Variants in FAM120C observed in about 807,000 individuals in gnomAD.
FAM120C encodes the protein constitutive coactivator of PPAR-gamma-like protein 2.
Under a neutral mutation model 71.2 loss-of-function variants are expected in FAM120C, and 14 were observed. The ratio of observed to expected loss-of-function variants is 0.20; its 90% CI spans 0.13 to 0.31. The LOEUF (loss-of-function observed/expected upper bound fraction) is 0.31. FAM120C is among the 10% of genes least tolerant of loss of function. FAM120C has a pLI of 1.00. For missense variants in FAM120C, 500 were observed against 879.0 expected (o/e 0.57, Z 5.45); for synonymous variants, 354 against 353.2 (o/e 1.00, Z -0.03).
intron 10 of FAM120C, among the ~76,000 whole-genome samples, chrX:54,114,481 G>C (rs1187446870): frequency 9.1e-6 from 1 of 110,144 alleles, no homozygotes; most frequent in Non-Finnish European, 1.9e-5. Context: ...GTCTCGCTCT[G>C]TCATCCAGGC....
chrX:54,085,829 G>C lies in FAM120C; in HGVS notation c.2725C>G (p.Pro909Ala), dbSNP rs1469792779. ...MNHPPPSALL[P>A]SPTFVPPMVP... ...ATGGGAGGCACAAAAGTAGGTGACGGAAGTAGAGCAGAAGGCGGTGGATGA... is the reference window on the plus strand; with the variant it reads ...ATGGGAGGCACAAAAGTAGGTGACGCAAGTAGAGCAGAAGGCGGTGGATGA... Residue 909 changes from proline (P) to alanine (A), a missense_variant, in exon 13 of 16, where the codon CCG (proline) becomes GCG (alanine). Coordinates refer to ENST00000375180, the MANE Select transcript of FAM120C (RefSeq NM_017848.6). 8.3e-7 allele frequency: 1 copy of C among 1,209,642 alleles called. No homozygotes were observed. Among genetic ancestry groups the C allele is most frequent in the Admixed American group, 2.2e-5 (1 of 45,600 alleles).
intron 15 of FAM120C, among the ~76,000 whole-genome samples, chrX:54,075,498 T>C (rs1294962261): frequency 8.9e-6 from 1 of 111,908 alleles, no homozygotes; most frequent in Non-Finnish European, 1.9e-5. Flanking sequence ...GTAAGTGACT[T>C]AAGAATTTAA....
At chrX:54,169,581 A>C (rs782695905) in intron 1 of FAM120C, among the ~76,000 whole-genome samples, 1 of 111,570 alleles carries the variant, frequency 9.0e-6, no homozygotes, top group East Asian at 2.8e-4. Flanking sequence ...ATATTCCCTC[A>C]AGCCCCTCTA....
chrX:54,158,952 A>G (rs1190132850), intron 2 of FAM120C, among the ~76,000 whole-genome samples: 2 of 111,990 alleles, frequency 1.8e-5, no homozygotes, highest in African/African-American at 6.5e-5. Context: ...TATTAGCACA[A>G]AAGAAACAAA....
chrX:54,114,762 T>G (rs1055132431), intron 10 of FAM120C, among the ~76,000 whole-genome samples: 2 of 109,369 alleles, frequency 1.8e-5, no homozygotes, highest in Admixed American at 9.9e-5. Flanking sequence ...TTGTTTGTTT[T>G]TTTGAGACAG....
rs782678986 is a variant in FAM120C, at chrX:54,078,132, A to G, written c.3036+2100T>C. 3.8e-3 allele frequency among the ~76,000 whole-genome samples: 395 copies of G among 104,020 alleles called. 3 individuals carry two copies. Among genetic ancestry groups the G allele is most frequent in the African/African-American group, 0.013 (383 of 28,802 alleles). The allele number at this position is 104,020 out of a possible 115,157, so 90.3% of individuals were successfully genotyped here. On this transcript the variant is annotated intron_variant, in intron 15 of 15. Coordinates refer to ENST00000375180, the MANE Select transcript of FAM120C (RefSeq NM_017848.6). ...CTAATTTTTTGTATTTTTAGTAGAG[A>G]CGGGGTTTCACCTTGTTAGCCAGGA...
At position 54,068,710 on chromosome X, in the gene FAM120C, C is replaced by T. The variant is rs1304358330; in HGVS notation, c.*4323G>A. The T allele has an allele frequency of 2.7e-5, 3 of 111,353 alleles. No individual in the cohort carries two copies. The highest frequency in any genetic ancestry group is 9.8e-5 in the African/African-American group (3 of 30,555). 9.2% of individuals were successfully genotyped at this position (111,353 alleles called of 1,213,427 possible). On this transcript the variant is annotated 3_prime_UTR_variant, in exon 16 of 16. Transcript: ENST00000375180. ...CAATAACATCATTTATCAGGGAGCACTAAAAGTCACTGACTCCTTGCAGTT... is the reference window on the plus strand; with the variant it reads ...CAATAACATCATTTATCAGGGAGCATTAAAAGTCACTGACTCCTTGCAGTT...
chrX:54,133,591 T>C (rs1557129818), intron 8 of FAM120C, among the ~76,000 whole-genome samples, 182 bp downstream of exon 8: 1 of 112,250 alleles, frequency 8.9e-6, no homozygotes, highest in Non-Finnish European at 1.9e-5. Context: ...TACCACACAG[T>C]CCCAACTCCT....
intron 1 of FAM120C, among the ~76,000 whole-genome samples, chrX:54,182,113 A>C (rs1226035851): frequency 8.9e-6 from 1 of 112,337 alleles, no homozygotes; most frequent in Non-Finnish European, 1.9e-5. Flanking sequence ...CAGGAGAGAG[A>C]TGTCAACTGG....
chrX:54,135,379 A>G (rs968607811), intron 6 of FAM120C, 149 bp downstream of exon 6: 39 of 556,466 alleles, frequency 7.0e-5, no homozygotes, highest in Non-Finnish European at 1.0e-4. Flanking sequence ...CTTTTTTTGC[A>G]TAGTCTTCCA....
chrX:54,072,244 CCCA>C lies in FAM120C; in HGVS notation c.*786_*788del, dbSNP rs2066714314. 1.9e-5 allele frequency: 2 copies of C among 104,964 alleles called. No homozygotes were observed. The highest frequency in any genetic ancestry group is 2.1e-4 in the Admixed American group (2 of 9,432). 8.7% of individuals were successfully genotyped at this position (104,964 alleles called of 1,213,427 possible). On this transcript the variant is annotated 3_prime_UTR_variant, in exon 16 of 16. Transcript: ENST00000375180. ...CGTACTCAAGTTCATTACACTGATT[CCCA>C]CCCTTTCATGGTGTGGGCAATAGGG...
At chrX:54,092,983 A>G (rs1557122821) in intron 10 of FAM120C, among the ~76,000 whole-genome samples, 2 of 112,138 alleles carry the variant, frequency 1.8e-5, no homozygotes, top group African/African-American at 6.5e-5. Flanking sequence ...TAAATACTTG[A>G]CTGACTTAAT....
At chrX:54,114,507 C>G (rs2066957055) in intron 10 of FAM120C, among the ~76,000 whole-genome samples, 1 of 110,984 alleles carries the variant, frequency 9.0e-6, no homozygotes, top group Non-Finnish European at 1.9e-5. Context: ...TGCAGTGGCA[C>G]AATCTCGACT....
chrX:54,099,689 T>C lies in FAM120C; in HGVS notation c.2313-8263A>G. 6.2e-5 allele frequency among the ~76,000 whole-genome samples: 7 copies of C among 112,370 alleles called. 1 individual carries two copies. On this transcript the variant is annotated intron_variant, in intron 10 of 15. Transcript: ENST00000375180. ...TGAAGTAGAGGTCTAACTATTCTTT[T>C]GCATGTTAATATCCAACCATCTGTT...
At chrX:54,099,389 G>C (rs371028170) in intron 10 of FAM120C, among the ~76,000 whole-genome samples, 273 of 111,294 alleles carry the variant, frequency 2.5e-3, no homozygotes, top group Middle Eastern at 4.6e-3. Context: ...TGGATACTAG[G>C]CCCTTATCAG....
intron 1 of FAM120C, among the ~76,000 whole-genome samples, chrX:54,172,172 T>C (rs2067292100): frequency 1.8e-5 from 2 of 112,633 alleles, no homozygotes; most frequent in South Asian, 7.3e-4. Context: ...AGATGAGTTG[T>C]AAAATCAACC....
chrX:54,173,871 T>C (rs1427946880), intron 1 of FAM120C: 1 of 323,067 alleles, frequency 3.1e-6, no homozygotes, highest in Non-Finnish European at 5.4e-6. Context: ...TATCTCATAG[T>C]ATCTGTAGGC....
Position 54,068,594 on chromosome X carries a change from A to C in FAM120C, c.*4439T>G, listed in dbSNP as rs781865593. 1 of 111,584 alleles carries C rather than the reference A, an allele frequency of 9.0e-6. No individual in the cohort carries two copies. Among genetic ancestry groups the C allele is most frequent in the Non-Finnish European group, 1.9e-5 (1 of 53,227 alleles). 9.2% of individuals were successfully genotyped at this position (111,584 alleles called of 1,213,427 possible). A position where few individuals can be genotyped will look rare whatever the true frequency, so the allele number is the denominator to read the frequency against. ...ATCTGGGAGTGGGAAAGAGAAATAC[A>C]TATTATCCATCCACTAAACACACTG... On this transcript the variant is annotated 3_prime_UTR_variant, in exon 16 of 16. Transcript: ENST00000375180.
chrX:54,139,194 G>A (rs1272591819), intron 4 of FAM120C, among the ~76,000 whole-genome samples: 1 of 111,029 alleles, frequency 9.0e-6, no homozygotes, highest in East Asian at 2.8e-4. Flanking sequence ...CAAAACAGAT[G>A]TCTCAAGTTA....
Sources: allele counts gnomAD v4.1 joint callset (sites outside exome capture counted in the v4.1 genomes callset), GRCh38; gene constraint gnomAD v4.1.1; transcripts MANE v1.5; gene names NCBI Gene and HGNC (gene_info 2026-07-23, HGNC 2026-07-21).